Variants in PLPPR3 observed in about 807,000 individuals in gnomAD.
PLPPR3 encodes the protein phospholipid phosphatase-related protein type 3.
Under a neutral mutation model 27.3 loss-of-function variants are expected in PLPPR3, and 14 were observed. That is an observed-to-expected ratio of 0.51 (90% CI 0.34 to 0.80). PLPPR3 has a LOEUF of 0.80. Ranked by LOEUF, PLPPR3 falls within the 30% of genes least tolerant of loss-of-function variation. PLPPR3 has a pLI of 0.01. For missense variants in PLPPR3, 1,287 were observed against 1,056.9 expected, an observed-to-expected ratio of 1.22 and a Z score of -3.02; for synonymous variants, 671 against 508.0, an observed-to-expected ratio of 1.32 and a Z score of -4.32.
At chr19:822,653 C>G (rs977170098), upstream of PLPPR3, among the ~76,000 whole-genome samples, 15 of 152,162 alleles carry the variant, frequency 9.9e-5, no homozygotes, top group African/African-American at 2.7e-4. Context: ...GGGCAGGGCC[C>G]TCGGGACCCG....
intron 2 of PLPPR3, among the ~76,000 whole-genome samples, chr19:816,673 A>C (rs940177116): frequency 2.7e-5 from 4 of 148,270 alleles, no homozygotes; most frequent in Non-Finnish European, 6.0e-5. Flanking sequence ...CATGCACCCA[A>C]TGGTACCATC....
intron 2 of PLPPR3, 35 bp from the exon 3 acceptor site, chr19:815,886 C>A: frequency 6.2e-7 from 1 of 1,601,290 alleles, no homozygotes; most frequent in South Asian, 1.1e-5. Flanking sequence ...TCACCCTGCT[C>A]TCCCTCGCGG....
At chr19:816,582 C>A (rs1481458951) in intron 2 of PLPPR3, among the ~76,000 whole-genome samples, 1 of 67,654 alleles carries the variant, frequency 1.5e-5, no homozygotes, top group African/African-American at 9.2e-5. Flanking sequence ...CCCAGCCATT[C>A]ATTCATCTAT....
At chr19:816,716 C>T (rs1479501912) in intron 2 of PLPPR3, among the ~76,000 whole-genome samples, 6 of 148,154 alleles carry the variant, frequency 4.0e-5, no homozygotes, top group East Asian at 2.0e-4. Flanking sequence ...TCCATCCATC[C>T]GTCCATTCAT....
At chr19:823,456 A>AAAAAAAAAC (rs2035179341), upstream of PLPPR3, among the ~76,000 whole-genome samples, 2 of 138,108 alleles carry the variant, frequency 1.4e-5, no homozygotes, top group Non-Finnish European at 3.2e-5. Context: ...AAAAAAAAAA[A>AAAAAAAAAC]AACAAACAAA....
chr19:817,519 C>T (rs1203425666), intron 2 of PLPPR3, among the ~76,000 whole-genome samples: 1 of 152,214 alleles, frequency 6.6e-6, no homozygotes, highest in African/African-American at 2.4e-5. Context: ...AGTAATCCAC[C>T]TGCCTCGGCC....
chr19:821,717 C>G, intron 1 of PLPPR3, 132 bp from the exon 2 acceptor site: 2 of 442,796 alleles, frequency 4.5e-6, no homozygotes, highest in African/African-American at 2.1e-5. Flanking sequence ...CGTGGCCTCC[C>G]CGCGCCCCGG....
At chr19:815,461 C>T (rs2035037572) in intron 3 of PLPPR3, 134 bp from the exon 4 acceptor site, 1 of 1,072,304 alleles carries the variant, frequency 9.3e-7, no homozygotes, top group Non-Finnish European at 1.3e-6. Context: ...GGGGTGGGCT[C>T]CCAGCCGTGG....
At chr19:822,524 C>A (rs1214031680), upstream of PLPPR3, among the ~76,000 whole-genome samples, 5 of 152,168 alleles carry the variant, frequency 3.3e-5, no homozygotes, top group Admixed American at 3.3e-4. Context: ...TCCCTTCCCC[C>A]CGCACTCACC....
rs1018471444 is a variant in PLPPR3 at position 813,583 on chromosome 19, C to A, written c.1144G>T (p.Ala382Ser). The change falls in exon 8 of 8, where the codon GCG (alanine) becomes TCG (serine). Residue 382 changes from alanine to serine, a missense_variant. Transcript: ENST00000520876. This position sits in a 1 kb window ranked among gnomAD's most constrained non-coding sequence, Gnocchi z 4.1. Reference sequence around the variant, plus strand: ...CGCGCGGGGTCGTCCAGCGAGGGCGCGCTGGCCCTGGGCAGCGTGTGGCTG... The same window carrying A: ...CGCGCGGGGTCGTCCAGCGAGGGCGAGCTGGCCCTGGGCAGCGTGTGGCTG... The part of the protein sequence containing the change: ...TFSHTLPRAS[A>S]PSLDDPARRH... 4 of 1,554,242 alleles carry A rather than the reference C, an allele frequency of 2.6e-6. No individual in the cohort carries two copies. The highest frequency in any genetic ancestry group is 3.5e-6 in the Non-Finnish European group (4 of 1,151,330).
chr19:815,787 G>C lies in PLPPR3; in HGVS notation c.140C>G (p.Pro47Arg). Residue 47 changes from proline (P) to arginine (R), a missense_variant, in exon 3 of 8, where the codon CCG becomes CGG. Physicochemically the swap from Pro to Arg is moderately radical, Grantham distance 103. Coordinates refer to ENST00000520876, the MANE Select transcript of PLPPR3 (RefSeq NM_001270366.2). ...ATAGCACTGGAAGCCCACCTTGGCCGGCTTGAAGAGGTCGGTCAGCTCCAG... is the reference window on the plus strand; with the variant it reads ...ATAGCACTGGAAGCCCACCTTGGCCCGCTTGAAGAGGTCGGTCAGCTCCAG... ...YFLELTDLFK[P>R]AKVGFQCYDR... 6.2e-7 allele frequency: 1 copy of C among 1,612,820 alleles called. No homozygotes were observed. Among genetic ancestry groups the C allele is most frequent in the Non-Finnish European group, 8.5e-7 (1 of 1,179,906 alleles).
chr19:819,901 G>C (rs1022232853), intron 2 of PLPPR3, among the ~76,000 whole-genome samples: 2 of 152,172 alleles, frequency 1.3e-5, no homozygotes, highest in Non-Finnish European at 2.9e-5. Flanking sequence ...AAGTGCAGTG[G>C]TGTGATCTTG....
chr19:823,408 C>T (rs2035176283), upstream of PLPPR3, among the ~76,000 whole-genome samples: 1 of 147,146 alleles, frequency 6.8e-6, no homozygotes, highest in Admixed American at 7.2e-5. Context: ...CACCATTGCC[C>T]TCCAGCCTGG....
rs1418757596 is a variant in PLPPR3, at chr19:813,145, C to T, written c.1582G>A (p.Ala528Thr). Residue 528 changes from alanine to threonine, a missense_variant, in exon 8 of 8, where the codon GCG becomes ACG. Coordinates refer to ENST00000520876, the MANE Select transcript of PLPPR3 (RefSeq NM_001270366.2). This position sits in a 1 kb window ranked among gnomAD's most constrained non-coding sequence, Gnocchi z 4.1. ...AGCCGCGGAGGGTTGGCCACTGCCGCCCCGCTCTTCTCGGCCATCATGAGC... is the reference window on the plus strand; with the variant it reads ...AGCCGCGGAGGGTTGGCCACTGCCGTCCCGCTCTTCTCGGCCATCATGAGC... ...KWLMMAEKSGAAVANPPRLLQ... is the reference protein window; with the variant it reads ...KWLMMAEKSGTAVANPPRLLQ... 7 of 1,522,438 alleles carry T rather than the reference C, an allele frequency of 4.6e-6. No individual in the cohort carries two copies. Among genetic ancestry groups the T allele is most frequent in the Admixed American group, 4.1e-5 (2 of 49,366 alleles). The allele number at this position is 1,522,438 out of a possible 1,614,324, so 94.3% of individuals were successfully genotyped here.
Position 813,017 on chromosome 19 carries a change from C to G in PLPPR3, c.1710G>C (p.Arg570=). Residue 570 remains arginine (R), a synonymous_variant, in exon 8 of 8, where the codon CGG becomes CGC. Coordinates refer to ENST00000520876, the MANE Select transcript of PLPPR3 (RefSeq NM_001270366.2). The surrounding 1 kb of genome is among the most constrained non-coding windows in gnomAD (Gnocchi z 4.1). The stretch of plus-strand genomic sequence containing the variant: ...TGGCGGAGTCGCGGTCCGACGGCGA[C>G]CGGTACTGCGAGGAGTCGGAGCTGG... ...SSASSDSSQY[R]SPSDRDSASI... 1 of 1,519,332 alleles carries G rather than the reference C, an allele frequency of 6.6e-7. No homozygotes were observed. The highest frequency in any genetic ancestry group is 8.8e-7 in the Non-Finnish European group (1 of 1,141,320). The allele number at this position is 1,519,332 out of a possible 1,614,324, so 94.1% of individuals were successfully genotyped here. A position where few individuals can be genotyped will look rare whatever the true frequency, so the allele number is the denominator to read the frequency against.
Position 815,652 on chromosome 19 carries a change from G to C in PLPPR3, c.261+14C>G. 1.9e-6 allele frequency: 3 copies of C among 1,564,860 alleles called. No homozygotes were observed. The highest frequency in any genetic ancestry group is 2.6e-6 in the Non-Finnish European group (3 of 1,156,786). On this transcript the variant is annotated intron_variant, in intron 3 of 7. Transcript: ENST00000520876. ...TGCCCACAGGCTGGCACAGGCCCCG[G>C]TGCAGGTGCTCACCGAGGCGGCAGG...
chr19:816,592 TC>T (rs1185774707), intron 2 of PLPPR3, among the ~76,000 whole-genome samples: 81 of 76,624 alleles, frequency 1.1e-3, no homozygotes, highest in African/African-American at 5.8e-3. Context: ...CATTCATCTA[TC>T]CATCCATCCA....
Position 814,526 on chromosome 19 carries a change from C to T in PLPPR3, c.739G>A (p.Val247Ile), listed in dbSNP as rs146870799. 1.7e-5 allele frequency: 27 copies of T among 1,611,558 alleles called. No homozygotes were observed. The highest frequency in any genetic ancestry group is 1.6e-4 in the Middle Eastern group (1 of 6,084). The change falls in exon 7 of 8, where the codon GTA becomes ATA. Residue 247 changes from valine to isoleucine, a missense_variant. By Grantham distance (29) the Val-to-Ile change is conservative. Coordinates refer to ENST00000520876, the MANE Select transcript of PLPPR3 (RefSeq NM_001270366.2). ...LVFAFAIAAG[V>I]CGLTQITQYR... is the part of the protein sequence containing the mutation. The stretch of plus-strand genomic sequence containing the variant: ...TGCGTGATCTGCGTGAGCCCGCATA[C>T]GCCCGCGGCGATGGCAAAGGCGAAG...
In PLPPR3 at chr19:815,037, C is replaced by G. The variant is rs567541445; in HGVS notation, c.448G>C (p.Val150Leu). 1.2e-6 allele frequency: 2 copies of G among 1,609,512 alleles called. No homozygotes were observed. The highest frequency in any genetic ancestry group is 2.7e-5 in the African/African-American group (2 of 75,056). ...TGGTAACCCGTGGCCAGCTGGATCA[C>G]GTCCGTCACCAGGGCTGTGGCACAC... The part of the protein sequence containing the change: ...GLCATALVTD[V>L]IQLATGYHTP... Residue 150 changes from valine to leucine, a missense_variant, in exon 5 of 8, where the codon GTG becomes CTG. Physicochemically the swap from Val to Leu is conservative, Grantham distance 32. Coordinates refer to ENST00000520876, the MANE Select transcript of PLPPR3 (RefSeq NM_001270366.2).
Sources: gnomAD v4.1 joint callset for allele counts (sites outside exome capture counted in the v4.1 genomes callset) on GRCh38, gnomAD v4.1.1 for gene constraint, Gnocchi (gnomAD v3.1) non-coding constraint, MANE v1.5 for transcripts, NCBI Gene and HGNC (gene_info 2026-07-23, HGNC 2026-07-21) for gene names.